Variants in PSD4 observed in about 807,000 individuals in gnomAD.
PSD4 encodes pleckstrin and Sec7 domain containing 4, also known as PH and SEC7 domain-containing protein 4.
Under a neutral mutation model 112.5 loss-of-function variants are expected in PSD4, and 59 were observed. The ratio of observed to expected loss-of-function variants is 0.52; its 90% confidence interval spans 0.43 to 0.65. The LOEUF is 0.65. Ranked by LOEUF, PSD4 falls within the 30% of genes least tolerant of loss-of-function variation. The probability of loss-of-function intolerance (pLI) is 0.00; values close to 1 mark genes in which losing one functional copy is unlikely to be tolerated. For missense variants in PSD4, 1,267 were observed against 1,352.6 expected (o/e 0.94, Z 0.99); for synonymous variants, 533 against 540.0 (o/e 0.99, Z 0.18).
chr2:113,191,921 G>C (rs1013079193), intron 5 of PSD4, among the ~76,000 whole-genome samples: 3 of 152,154 alleles, frequency 2.0e-5, no homozygotes, highest in Non-Finnish European at 4.4e-5. Context: ...CTAGCTTCCT[G>C]TTCTCAGCTC....
chr2:113,194,105 G>A (rs999978712), intron 10 of PSD4, among the ~76,000 whole-genome samples, 157 bp downstream of exon 10: 7 of 152,198 alleles, frequency 4.6e-5, no homozygotes, highest in Non-Finnish European at 8.8e-5. Flanking sequence ...GTATTCCCTG[G>A]CGGGCAGCAT....
At position 113,182,595 on chromosome 2, in the gene PSD4, G is replaced by A. The variant is rs45591931; in HGVS notation, c.139G>A (p.Glu47Lys). The A allele has an allele frequency of 1.8e-5, 29 of 1,614,132 alleles. No individual in the cohort carries two copies. Among genetic ancestry groups the A allele is most frequent in the Middle Eastern group, 1.6e-4 (1 of 6,062 alleles). ...CSHEDPPEPF[E>K]EQTWATDPPE... ...CCATGAGGATCCACCGGAGCCTTTC[G>A]AGGAGCAAACCTGGGCCACTGACCC... The change falls in exon 2 of 17, where the codon GAG becomes AAG. Residue 47 changes from glutamate (E) to lysine (K), a missense_variant. Around this residue, in one of 2 missense-constraint regions of PSD4, gnomAD observed 723 missense variants for 704.0 expected, o/e 1.03. Transcript: ENST00000245796.
chr2:113,196,084 A>C lies in PSD4; in HGVS notation c.2226-63A>C, dbSNP rs530460082. The C allele has an allele frequency of 7.2e-5, 112 of 1,561,020 alleles. No individual in the cohort carries two copies. The East Asian group carries it at 2.4e-3, about 33-fold the overall frequency. On this transcript the variant is annotated intron_variant, in intron 11 of 16. Coordinates refer to ENST00000245796, the MANE Select transcript of PSD4 (RefSeq NM_012455.3). ...AGAGGTTGCTAAGGCTCTGGGAGGC[A>C]ATGGATACCTCCCAGTTCTCTTTGC...
rs768126233 is a variant in PSD4 at position 113,184,991 on chromosome 2, C to G, written c.1091C>G (p.Pro364Arg). 1 of 1,614,118 alleles carries G rather than the reference C, an allele frequency of 6.2e-7. No homozygotes were observed. Among genetic ancestry groups the G allele is most frequent in the Non-Finnish European group, 8.5e-7 (1 of 1,180,040 alleles). ...CTTGGTCCTGCTCCATCTGCAGCAC[C>G]GTGTGTGGACGAAGCATTGACCTGG... ...DRLGPAPSAA[P>R]CVDEALTWES... Residue 364 changes from proline to arginine, a missense_variant, in exon 3 of 17, where the codon CCG becomes CGG. By Grantham distance (103) the Pro-to-Arg change is moderately radical. Transcript: ENST00000245796.
intron 12 of PSD4, 92 bp from the exon 13 acceptor site, chr2:113,197,472 G>A (rs1688643164): frequency 7.4e-7 from 1 of 1,357,874 alleles, no homozygotes. Context: ...GTGGTGTGAG[G>A]GACAGGGGGC....
chr2:113,182,315 C>T (rs981629743), intron 1 of PSD4, 31 bp from the exon 2 acceptor site: 20 of 801,420 alleles, frequency 2.5e-5, no homozygotes, highest in Non-Finnish European at 3.6e-5. Flanking sequence ...ACAGCCCTTC[C>T]CTAACCTGCA....
intron 10 of PSD4, 75 bp from the exon 11 acceptor site, chr2:113,195,652 A>G: frequency 6.4e-7 from 1 of 1,558,620 alleles, no homozygotes. Flanking sequence ...CCCCTATCCT[A>G]CCTCTGCCAG....
intron 10 of PSD4, 32 bp downstream of exon 10, chr2:113,193,980 A>G: frequency 1.3e-6 from 2 of 1,596,228 alleles, no homozygotes; most frequent in Admixed American, 1.7e-5. Flanking sequence ...TATGAGCCTC[A>G]TGTAGGACCT....
At position 113,193,921 on chromosome 2, in the gene PSD4, C is replaced by T. The variant is rs756828604; in HGVS notation, c.2154C>T (p.Gly718=). 3.9e-5 allele frequency: 63 copies of T among 1,614,010 alleles called. No individual in the cohort carries two copies. Among genetic ancestry groups the T allele is most frequent in the Admixed American group, 5.0e-5 (3 of 59,996 alleles). The change falls in exon 10 of 17, where the codon GGC becomes GGT. Residue 718 remains glycine, a synonymous_variant. Transcript: ENST00000245796. ...FITNLNGLRD[G]GNFPKELLKA... ...CCAACCTGAATGGGCTGAGGGATGG[C>T]GGGAACTTCCCCAAGGAGCTGCTGA... is the stretch of plus-strand genomic sequence containing the variant.
intron 1 of PSD4, among the ~76,000 whole-genome samples, chr2:113,174,654 AG>A (rs1687920535): frequency 6.6e-6 from 1 of 151,978 alleles, no homozygotes; most frequent in Non-Finnish European, 1.5e-5. Context: ...GCTCGAGGAG[AG>A]GTAAGGGGAC....
rs754675961 is a variant in PSD4 at position 113,206,464 on chromosome 2, C to T, written c.*5049C>T. 2 of 152,304 alleles carry T rather than the reference C, an allele frequency of 1.3e-5. No homozygotes were observed. The highest frequency in any genetic ancestry group is 1.3e-4 in the Admixed American group (2 of 15,290). The allele number at this position is 152,304 out of a possible 1,614,324, so 9.4% of individuals were successfully genotyped here. ...TTGGCCTTGATAGCTATGTGATCAT[C>T]TACCAGACCCTGCACCCAGGCTCAG... On this transcript the variant is annotated 3_prime_UTR_variant, in exon 17 of 17. Transcript: ENST00000245796.
chr2:113,198,995 G>A (rs1424747196), intron 15 of PSD4, 88 bp from the exon 16 acceptor site: 6 of 1,520,230 alleles, frequency 3.9e-6, no homozygotes, highest in Non-Finnish European at 5.3e-6. Flanking sequence ...CCTGGGAACC[G>A]AGGCGGCCAG....
In PSD4 at chr2:113,196,193, C is replaced by T. The variant is rs777742814; in HGVS notation, c.2272C>T (p.Pro758Ser). ...ACCTGAGAAGGCCCAGCCGTCCCTG[C>T]CAGCTGGCAAGATGAGCAAGCCCTT... Reference protein sequence around the residue: ...ARPEKAQPSLPAGKMSKPFLQ... With the variant: ...ARPEKAQPSLSAGKMSKPFLQ... Residue 758 changes from proline (P) to serine (S), a missense_variant, in exon 12 of 17, where the codon CCA (proline) becomes TCA (serine). Physicochemically the swap from Pro to Ser is moderately conservative, Grantham distance 74. Around this residue, in one of 2 missense-constraint regions of PSD4, gnomAD observed 544 missense variants for 648.6 expected, o/e 0.84. Coordinates refer to ENST00000245796, the MANE Select transcript of PSD4 (RefSeq NM_012455.3). 1.9e-6 allele frequency: 3 copies of T among 1,613,722 alleles called. No homozygotes were observed. The African/African-American group carries it at 4.0e-5, about 22-fold the overall frequency.
intron 15 of PSD4, 36 bp from the exon 16 acceptor site, chr2:113,199,047 C>T (rs1465695267): frequency 3.0e-5 from 46 of 1,515,952 alleles, no homozygotes; most frequent in Non-Finnish European, 4.0e-5. Flanking sequence ...GGAGGGGACG[C>T]CCGGGACAGC....
At chr2:113,194,558 AT>A (rs1688544533) in intron 10 of PSD4, among the ~76,000 whole-genome samples, 1 of 152,206 alleles carries the variant, frequency 6.6e-6, no homozygotes, top group African/African-American at 2.4e-5. Flanking sequence ...CATTTTCACT[AT>A]TGTGTGAACA....
At position 113,178,180 on chromosome 2, in the gene PSD4, T is replaced by C. The variant is rs1449660408; in HGVS notation, c.-112+4126T>C. 3.3e-5 allele frequency among the ~76,000 whole-genome samples: 5 copies of C among 152,260 alleles called. No individual in the cohort carries two copies. In the East Asian group the frequency reaches 7.7e-4, roughly 23 times the overall value. On this transcript the variant is annotated intron_variant, in intron 1 of 16. Transcript: ENST00000245796. ...TTGCAGTGAGCTAAGATCATGCCACTGCACTCTAGCCTGGGTGACAGAGCA... is the reference window on the plus strand; with the variant it reads ...TTGCAGTGAGCTAAGATCATGCCACCGCACTCTAGCCTGGGTGACAGAGCA...
intron 2 of PSD4, 103 bp from the exon 3 acceptor site, chr2:113,184,854 G>A (rs1688248725): frequency 6.6e-7 from 1 of 1,521,304 alleles, no homozygotes; most frequent in Non-Finnish European, 8.9e-7. Context: ...GGCAGACTGT[G>A]AAGGGAGGAG....
At position 113,202,918 on chromosome 2, in the gene PSD4, G is replaced by C. The variant is rs1431560895; in HGVS notation, c.*1503G>C. ...ACAATAAATAACAGGTCAACAAAGA[G>C]GGAGGTGTGTCAGTGTGTGAGGAAG... On this transcript the variant is annotated 3_prime_UTR_variant, in exon 17 of 17. Transcript: ENST00000245796. 3.3e-5 allele frequency: 5 copies of C among 152,400 alleles called. No homozygotes were observed. The highest frequency in any genetic ancestry group is 5.9e-5 in the Non-Finnish European group (4 of 68,138). The allele number at this position is 152,400 out of a possible 1,614,324, so 9.4% of individuals were successfully genotyped here.
chr2:113,198,706 T>G, intron 14 of PSD4, 34 bp from the exon 15 acceptor site: 1 of 1,510,330 alleles, frequency 6.6e-7, no homozygotes, highest in African/African-American at 1.4e-5. Flanking sequence ...ACGGACTCTG[T>G]GTCCCCGGGG....
Sources: allele counts gnomAD v4.1 joint callset (sites outside exome capture counted in the v4.1 genomes callset), GRCh38; gene constraint gnomAD v4.1.1; regional missense constraint gnomAD v4.1.1; transcripts MANE v1.5; gene names NCBI Gene and HGNC (gene_info 2026-07-23, HGNC 2026-07-21).